ADAMTS6: variants seen among roughly 807,000 people sequenced by gnomAD.
The protein encoded by ADAMTS6 is ADAM metallopeptidase with thrombospondin type 1 motif 6.
Under a neutral mutation model 144.3 loss-of-function variants are expected in ADAMTS6, and 23 were observed. That is an observed-to-expected ratio of 0.16 (90% CI 0.11 to 0.23). The LOEUF (loss-of-function observed/expected upper bound fraction) is 0.23. Among genes scored for constraint, ADAMTS6 ranks in the 10% least tolerant of loss-of-function variants. ADAMTS6 has a pLI of 1.00. For missense variants in ADAMTS6, 999 were observed against 1,379.6 expected, an observed-to-expected ratio of 0.72 and a Z score of 4.37; for synonymous variants, 444 against 457.5, an observed-to-expected ratio of 0.97 and a Z score of 0.38.
intron 7 of ADAMTS6, among the ~76,000 whole-genome samples, chr5:65,450,960 A>C (rs1461165073): frequency 6.6e-6 from 1 of 152,316 alleles, no homozygotes; most frequent in South Asian, 2.1e-4. Flanking sequence ...TAGTGTAATC[A>C]ATCTGCTTTT....
chr5:65,467,869 G>GA (rs1760143830), intron 3 of ADAMTS6, among the ~76,000 whole-genome samples: 2 of 152,114 alleles, frequency 1.3e-5, no homozygotes, highest in South Asian at 2.1e-4. Context: ...AGATGTTACA[G>GA]AAACTAACAT....
At chr5:65,346,134 A>G (rs1343719456) in intron 7 of ADAMTS6, among the ~76,000 whole-genome samples, 1 of 151,960 alleles carries the variant, frequency 6.6e-6, no homozygotes, top group Non-Finnish European at 1.5e-5. Flanking sequence ...TTCCAAATTC[A>G]TTTTATGAAG....
chr5:65,464,201 T>C (rs1208004486), intron 3 of ADAMTS6, among the ~76,000 whole-genome samples: 1 of 152,236 alleles, frequency 6.6e-6, no homozygotes, highest in Admixed American at 6.5e-5. Context: ...CCTTTGGAAG[T>C]CTAAGGGTGA....
chr5:65,422,761 A>G (rs569313017), intron 7 of ADAMTS6, among the ~76,000 whole-genome samples: 19 of 152,316 alleles, frequency 1.2e-4, no homozygotes, highest in African/African-American at 3.8e-4. Context: ...CTAAAAATAA[A>G]TTTATTATTT....
In ADAMTS6 at chr5:65,222,859, A is replaced by T. The variant is rs370411259; in HGVS notation, c.2272+1461T>A. 1.2e-4 allele frequency among the ~76,000 whole-genome samples: 18 copies of T among 152,156 alleles called. No homozygotes were observed. The East Asian group carries it at 3.5e-3, about 29-fold the overall frequency. On this transcript the variant is annotated intron_variant, in intron 18 of 24. Transcript: ENST00000381055. ...AAGCACAAACCATTAAAAAATTAAT[A>T]AATTGAATTTCATCAAAATTAAAAG...
intron 7 of ADAMTS6, among the ~76,000 whole-genome samples, chr5:65,372,074 A>T (rs1024608672): frequency 1.3e-4 from 20 of 151,860 alleles, no homozygotes; most frequent in Non-Finnish European, 2.6e-4. Context: ...GCAAATGCTG[A>T]GAGATTTTGT....
chr5:65,360,123 A>C (rs1438580331), intron 7 of ADAMTS6, among the ~76,000 whole-genome samples: 1 of 152,176 alleles, frequency 6.6e-6, no homozygotes, highest in Non-Finnish European at 1.5e-5. Context: ...CTGTATAGGA[A>C]CATGATGCTG....
intron 11 of ADAMTS6, among the ~76,000 whole-genome samples, chr5:65,275,671 TA>T (rs1423945814): frequency 6.6e-6 from 1 of 151,542 alleles, no homozygotes; most frequent in Non-Finnish European, 1.5e-5. Flanking sequence ...TAAAGTAAAA[TA>T]AAAACAAATA....
intron 21 of ADAMTS6, among the ~76,000 whole-genome samples, chr5:65,194,031 T>C (rs1755176901): frequency 6.6e-6 from 1 of 152,166 alleles, no homozygotes; most frequent in African/African-American, 2.4e-5. Context: ...TTTATAGGTT[T>C]TTTTGTTTCC....
intron 7 of ADAMTS6, among the ~76,000 whole-genome samples, chr5:65,397,876 T>TAAAA (rs34170790): frequency 9.0e-5 from 11 of 121,696 alleles, no homozygotes; most frequent in African/African-American, 3.1e-4. Flanking sequence ...GACCCTGTCT[T>TAAAA]AAAAAAAAAA....
At position 65,452,166 on chromosome 5, in the gene ADAMTS6, T is replaced by C. The variant is rs533107085; in HGVS notation, c.894A>G (p.Ile298Met). Residue 298 changes from isoleucine (I) to methionine (M), a missense_variant, in exon 6 of 25, where the codon ATA (isoleucine) becomes ATG (methionine). This residue lies in a region of ADAMTS6 where 128 missense variants were observed against 249.0 expected (regional missense o/e 0.51). Transcript: ENST00000381055. ...DSSLGNVVNIIVARLIVLTED... is the reference protein window; with the variant it reads ...DSSLGNVVNIMVARLIVLTED... Reference sequence around the variant, plus strand: ...CTGTGAGAACAATTAAGCGGGCCACTATAATATTCACAACGTTTCCTAGGC... The same window carrying C: ...CTGTGAGAACAATTAAGCGGGCCACCATAATATTCACAACGTTTCCTAGGC... 8 of 1,611,904 alleles carry C rather than the reference T, an allele frequency of 5.0e-6. No homozygotes were observed. Among genetic ancestry groups the C allele is most frequent in the Non-Finnish European group, 6.8e-6 (8 of 1,178,728 alleles).
At chr5:65,309,121 G>A (rs1580355620) in intron 9 of ADAMTS6, among the ~76,000 whole-genome samples, 1 of 151,948 alleles carries the variant, frequency 6.6e-6, no homozygotes, top group South Asian at 2.1e-4. Flanking sequence ...GGGGTTGGTG[G>A]CGGGGGGGTG....
intron 7 of ADAMTS6, among the ~76,000 whole-genome samples, chr5:65,398,832 GAA>G (rs1277832619): frequency 1.7e-4 from 25 of 142,882 alleles, no homozygotes; most frequent in Non-Finnish European, 2.6e-4. Flanking sequence ...AAGAAAGAAA[GAA>G]AGAAAGAAAG....
chr5:65,379,445 C>G (rs1372601171), intron 7 of ADAMTS6, among the ~76,000 whole-genome samples: 2 of 152,194 alleles, frequency 1.3e-5, no homozygotes, highest in Non-Finnish European at 2.9e-5. Context: ...CAGAGTGTCA[C>G]AAGGTGATAA....
At chr5:65,380,506 G>A (rs1038320273) in intron 7 of ADAMTS6, among the ~76,000 whole-genome samples, 7 of 152,132 alleles carry the variant, frequency 4.6e-5, no homozygotes, top group Non-Finnish European at 8.8e-5. Flanking sequence ...AACTTGGGAG[G>A]CAGAGGTTGC....
At chr5:65,228,684 G>T (rs1449469465) in intron 15 of ADAMTS6, among the ~76,000 whole-genome samples, 1 of 152,196 alleles carries the variant, frequency 6.6e-6, no homozygotes, top group East Asian at 1.9e-4. Flanking sequence ...ACAGCTCAGT[G>T]AAAAGAGAGA....
chr5:65,222,495 G>T (rs1757397241), intron 18 of ADAMTS6, among the ~76,000 whole-genome samples: 1 of 151,956 alleles, frequency 6.6e-6, no homozygotes. Flanking sequence ...TTTTATTTTT[G>T]AATTTCATGT....
chr5:65,436,410 T>C (rs2047063), intron 7 of ADAMTS6, among the ~76,000 whole-genome samples: 59,759 of 152,094 alleles, frequency 0.39, 12,101 homozygotes, highest in South Asian at 0.44. Flanking sequence ...TTTCAAGACA[T>C]GCTTTATTTT....
intron 11 of ADAMTS6, among the ~76,000 whole-genome samples, chr5:65,274,232 G>A (rs566281053): frequency 1.3e-5 from 2 of 151,870 alleles, no homozygotes; most frequent in South Asian, 4.2e-4. Flanking sequence ...TTTAAAATAA[G>A]CCGTTCAATA....
Sources: gnomAD v4.1 joint callset for allele counts (sites outside exome capture counted in the v4.1 genomes callset) on GRCh38, gnomAD v4.1.1 for gene constraint, gnomAD v4.1.1 regional missense constraint, MANE v1.5 for transcripts, NCBI Gene and HGNC (gene_info 2026-07-23, HGNC 2026-07-21) for gene names.